KL: variants seen among roughly 807,000 people sequenced by gnomAD.
KL encodes klotho.
KL carries 62 observed loss-of-function variants against 84.2 expected under a neutral mutation model. That is an observed-to-expected ratio of 0.74 (90% CI 0.60 to 0.91). The LOEUF (loss-of-function observed/expected upper bound fraction) is 0.91, where lower values mean the gene tolerates loss of function less well. KL is among the 40% of genes least tolerant of loss of function. The pLI is 0.00. For missense variants in KL, 1,261 were observed against 1,305.7 expected (o/e 0.97, Z 0.53); for synonymous variants, 528 against 528.0 (o/e 1.00, Z 0.00).
At position 33,064,148 on chromosome 13, in the gene KL, T is replaced by A; in HGVS notation, c.3001T>A (p.Phe1001Ile). 1 of 1,611,658 alleles carries A rather than the reference T, an allele frequency of 6.2e-7. No homozygotes were observed. ...FASIISLSLIFYYSKKGRRSY... is the reference protein window; with the variant it reads ...FASIISLSLIIYYSKKGRRSY... ...TTCTATTATTTCTCTCTCCCTTATA[T>A]TTTACTACTCGAAGAAAGGCAGAAG... is the stretch of plus-strand genomic sequence containing the variant. Residue 1001 changes from phenylalanine to isoleucine, a missense_variant, in exon 5 of 5, where the codon TTT (phenylalanine) becomes ATT (isoleucine). Coordinates refer to ENST00000380099, the MANE Select transcript of KL (RefSeq NM_004795.4).
At chr13:33,054,830 C>T (rs1231143233) in intron 2 of KL, among the ~76,000 whole-genome samples, 1 of 151,818 alleles carries the variant, frequency 6.6e-6, no homozygotes, top group Non-Finnish European at 1.5e-5. Flanking sequence ...CTCAGAAATC[C>T]AAAAAACATA....
At chr13:33,019,057 A>G (rs1870476533) in intron 1 of KL, among the ~76,000 whole-genome samples, 1 of 152,070 alleles carries the variant, frequency 6.6e-6, no homozygotes, top group African/African-American at 2.4e-5. Context: ...CCTTCCTAGA[A>G]ATGCAGTGGA....
At chr13:33,030,524 C>A (rs1257050776) in intron 1 of KL, among the ~76,000 whole-genome samples, 2 of 152,142 alleles carry the variant, frequency 1.3e-5, no homozygotes, top group African/African-American at 4.8e-5. Flanking sequence ...ATGGCTGTTG[C>A]ATGATCATAA....
chr13:33,044,189 C>G (rs1244701414), intron 1 of KL, among the ~76,000 whole-genome samples: 1 of 152,186 alleles, frequency 6.6e-6, no homozygotes, highest in Non-Finnish European at 1.5e-5. Flanking sequence ...ATGTATTTGT[C>G]TATCCTTATG....
rs763527322 is a variant in KL at position 33,061,008 on chromosome 13, G to A, written c.1929G>A (p.Pro643=). 1.5e-5 allele frequency: 24 copies of A among 1,612,778 alleles called. No individual in the cohort carries two copies. The highest frequency in any genetic ancestry group is 6.6e-5 in the South Asian group (6 of 90,986). The stretch of plus-strand genomic sequence containing the variant: ...TGGCCCTGTGGCAGCCTATGGCCCC[G>A]AACCAAGGACTGCCGCGCCTCCTGG... ...PVVALWQPMA[P]NQGLPRLLAR... The change falls in exon 4 of 5, where the codon CCG becomes CCA. Residue 643 remains proline (P), a synonymous_variant. Coordinates refer to ENST00000380099, the MANE Select transcript of KL (RefSeq NM_004795.4).
chr13:33,062,506 C>T (rs1872246653), intron 4 of KL, among the ~76,000 whole-genome samples: 1 of 151,736 alleles, frequency 6.6e-6, no homozygotes, highest in Non-Finnish European at 1.5e-5. Context: ...AACCCCGTCT[C>T]TACTGAAAAT....
chr13:33,038,085 A>G (rs1455787311), intron 1 of KL, among the ~76,000 whole-genome samples: 1 of 152,150 alleles, frequency 6.6e-6, no homozygotes, highest in Non-Finnish European at 1.5e-5. Flanking sequence ...TCACATTCTA[A>G]TGCATTCTGC....
chr13:33,046,211 A>G (rs1871523803), intron 1 of KL, among the ~76,000 whole-genome samples: 1 of 152,228 alleles, frequency 6.6e-6, no homozygotes, highest in Non-Finnish European at 1.5e-5. Flanking sequence ...GCTTGAAAAG[A>G]GTCGTGTTAA....
chr13:33,017,376 T>A, intron 1 of KL, 117 bp downstream of exon 1: 1 of 967,994 alleles, frequency 1.0e-6, no homozygotes, highest in Non-Finnish European at 1.5e-6. Context: ...TGGACACGTG[T>A]ATGTGGTCAC....
At chr13:33,047,217 C>A (rs1203283287) in intron 1 of KL, among the ~76,000 whole-genome samples, 3 of 152,114 alleles carry the variant, frequency 2.0e-5, no homozygotes, top group Non-Finnish European at 2.9e-5. Flanking sequence ...ATTAATATAA[C>A]CATGCCAGAT....
chr13:33,033,385 A>T (rs1871041786), intron 1 of KL, among the ~76,000 whole-genome samples: 1 of 152,190 alleles, frequency 6.6e-6, no homozygotes, highest in African/African-American at 2.4e-5. Context: ...CAGGGGATCA[A>T]GCAGCAGTTA....
rs756032138 is a variant in KL at position 33,063,999 on chromosome 13, A to G, written c.2852A>G (p.Asn951Ser). 1.2e-6 allele frequency: 2 copies of G among 1,614,202 alleles called. No individual in the cohort carries two copies. The highest frequency in any genetic ancestry group is 4.5e-5 in the East Asian group (2 of 44,886). The change falls in exon 5 of 5, where the codon AAT becomes AGT. Residue 951 changes from asparagine to serine, a missense_variant. Coordinates refer to ENST00000380099, the MANE Select transcript of KL (RefSeq NM_004795.4). ...CATTACAGGAAAATTATTGACAGCA[A>G]TGGTTTCCCGGGCCCAGAAACTCTG... ...MKHYRKIIDS[N>S]GFPGPETLER...
At chr13:33,024,002 T>C (rs1870667252) in intron 1 of KL, among the ~76,000 whole-genome samples, 1 of 152,310 alleles carries the variant, frequency 6.6e-6, no homozygotes, top group East Asian at 1.9e-4. Flanking sequence ...CCACTCAAGT[T>C]GCCCCCTTGA....
At chr13:33,038,472 A>G (rs1052216078) in intron 1 of KL, among the ~76,000 whole-genome samples, 1 of 152,198 alleles carries the variant, frequency 6.6e-6, no homozygotes, top group Non-Finnish European at 1.5e-5. Flanking sequence ...AGATAGTCCA[A>G]TTATTTGGCT....
chr13:33,043,747 A>G (rs1871423914), intron 1 of KL, among the ~76,000 whole-genome samples: 1 of 152,182 alleles, frequency 6.6e-6, no homozygotes, highest in South Asian at 2.1e-4. Context: ...TATTTCGGAT[A>G]TAATTATTTT....
rs1376606366 is a variant in KL at position 33,064,276 on chromosome 13, G to A, written c.*90G>A. 1.8e-5 allele frequency: 18 copies of A among 1,014,288 alleles called. No homozygotes were observed. Among genetic ancestry groups the A allele is most frequent in the Non-Finnish European group, 2.5e-5 (17 of 682,982 alleles). 62.8% of individuals were successfully genotyped at this position (1,014,288 alleles called of 1,614,324 possible). ...TTGCACCTCTAAGTGTTGTGAAACT[G>A]TAAATTTCATACATTTGACTTCTAG... On this transcript the variant is annotated 3_prime_UTR_variant, in exon 5 of 5. Transcript: ENST00000380099.
At position 33,017,052 on chromosome 13, in the gene KL, C is replaced by T. The variant is rs781553560; in HGVS notation, c.612C>T (p.Tyr204=). ...WDLPQRLQDA[Y]GGWANRALAD... is the part of the protein sequence containing the mutation. ...TGCCCCAGCGCCTGCAGGACGCCTA[C>T]GGCGGCTGGGCCAACCGCGCCCTGG... Residue 204 remains tyrosine (Y), a synonymous_variant, in exon 1 of 5, where the codon TAC becomes TAT. Transcript: ENST00000380099. 5.6e-6 allele frequency: 9 copies of T among 1,601,536 alleles called. No individual in the cohort carries two copies. The East Asian group carries it at 1.6e-4, about 28-fold the overall frequency.
chr13:33,062,539 G>A (rs1872247901), intron 4 of KL, among the ~76,000 whole-genome samples: 1 of 151,762 alleles, frequency 6.6e-6, no homozygotes. Context: ...CAGGTGTAGT[G>A]ATGCACACCT....
chr13:33,030,399 T>C (rs1870933155), intron 1 of KL, among the ~76,000 whole-genome samples: 1 of 152,196 alleles, frequency 6.6e-6, no homozygotes, highest in Non-Finnish European at 1.5e-5. Context: ...TGTTAACCAT[T>C]ACCTAATTTT....
Sources: allele counts gnomAD v4.1 joint callset (sites outside exome capture counted in the v4.1 genomes callset), GRCh38; gene constraint gnomAD v4.1.1; transcripts MANE v1.5; gene names NCBI Gene and HGNC (gene_info 2026-07-23, HGNC 2026-07-21).